Variants in PCLAF observed in about 807,000 individuals in gnomAD.
The protein encoded by PCLAF is PCNA clamp associated factor.
PCLAF carries 12 observed loss-of-function variants against 15.1 expected under a neutral mutation model. The observed-to-expected ratio is 0.79, with a 90% confidence interval of 0.51 to 1.29. The LOEUF (loss-of-function observed/expected upper bound fraction) is 1.29, where lower values mean the gene tolerates loss of function less well. Among genes scored for constraint, PCLAF ranks in the 50% most tolerant of loss-of-function variants. The probability of loss-of-function intolerance (pLI) is 0.00; values close to 1 mark genes in which losing one functional copy is unlikely to be tolerated. For missense variants in PCLAF, 116 were observed against 130.9 expected, an observed-to-expected ratio of 0.89 and a Z score of 0.56; for synonymous variants, 33 against 47.1, an observed-to-expected ratio of 0.70 and a Z score of 1.22.
chr15:64,365,072 G>A lies in PCLAF; in HGVS notation c.*958C>T, dbSNP rs1475251958. The A allele has an allele frequency of 1.4e-5, 2 of 141,860 alleles. No homozygotes were observed. Among genetic ancestry groups the A allele is most frequent in the Admixed American group, 7.8e-5 (1 of 12,768 alleles). 8.8% of individuals were successfully genotyped at this position (141,860 alleles called of 1,614,324 possible). On this transcript the variant is annotated 3_prime_UTR_variant, in exon 4 of 4. Coordinates refer to ENST00000300035, the MANE Select transcript of PCLAF (RefSeq NM_014736.6). ...CTGCCGACTGCAGTGGCGCAATCTC[G>A]GCTCACTGCAAGCTCCACTTCCCGG...
In PCLAF at chr15:64,381,424, G is replaced by A. The variant is rs1301183103; in HGVS notation, c.-53C>T. 4 of 1,613,848 alleles carry A rather than the reference G, an allele frequency of 2.5e-6. No individual in the cohort carries two copies. ...GAACGAACTGACTTCCCAGCCGAGG[G>A]TGTTTCACTGGACAAGGACCCGAAA... On this transcript the variant is annotated 5_prime_UTR_variant, in exon 1 of 4. Transcript: ENST00000300035.
intron 3 of PCLAF, among the ~76,000 whole-genome samples, chr15:64,370,243 A>ATT (rs879858578): frequency 2.7e-4 from 39 of 141,998 alleles, no homozygotes; most frequent in African/African-American, 8.8e-4. Context: ...TGCCCACCTA[A>ATT]TTTTTTTTTT....
At chr15:64,380,784 G>A (rs980782782) in intron 2 of PCLAF, among the ~76,000 whole-genome samples, 174 bp downstream of exon 2, 3 of 152,042 alleles carry the variant, frequency 2.0e-5, no homozygotes, top group Non-Finnish European at 4.4e-5. Flanking sequence ...TCCCTTCCAT[G>A]AGACCTCCCC....
intron 3 of PCLAF, among the ~76,000 whole-genome samples, chr15:64,375,249 C>T (rs572527100): frequency 3.3e-5 from 5 of 152,084 alleles, no homozygotes; most frequent in African/African-American, 7.2e-5. Flanking sequence ...TTCAGCCTCC[C>T]GAGTAGCTGA....
chr15:64,372,896 G>T (rs1899402234), intron 3 of PCLAF, among the ~76,000 whole-genome samples: 3 of 152,116 alleles, frequency 2.0e-5, no homozygotes, highest in Admixed American at 1.3e-4. Context: ...GAACCCAGGA[G>T]GCGAAGGTTG....
intron 3 of PCLAF, chr15:64,373,404 G>A (rs1003599444): frequency 9.6e-6 from 3 of 311,686 alleles, no homozygotes; most frequent in Non-Finnish European, 1.7e-5. Context: ...TGAAGACCTG[G>A]TTTTTTTCCT....
upstream of PCLAF, among the ~76,000 whole-genome samples, chr15:64,385,208 G>A (rs368709132): frequency 7.9e-5 from 12 of 152,202 alleles, no homozygotes; most frequent in African/African-American, 2.9e-4. Flanking sequence ...TATTCTGGAG[G>A]ACGTACTTAT....
Position 64,376,888 on chromosome 15 carries a change from C to T in PCLAF, c.145G>A (p.Gly49Arg). The T allele has an allele frequency of 1.9e-6, 3 of 1,613,502 alleles. No individual in the cohort carries two copies. Among genetic ancestry groups the T allele is most frequent in the Non-Finnish European group, 2.5e-6 (3 of 1,179,786 alleles). ...SSRKAENKYAGGNPVCVRPTP... is the reference protein window; with the variant it reads ...SSRKAENKYARGNPVCVRPTP... ...GGGCGCACGCAAACGGGGTTCCCTC[C>T]TGCATATTTATTTTCAGCTGTAAAA... The change falls in exon 3 of 4, where the codon GGA (glycine) becomes AGA (arginine). Residue 49 changes from glycine (G) to arginine (R), a missense_variant. Gly to Arg is a moderately radical substitution (Grantham distance 125). Coordinates refer to ENST00000300035, the MANE Select transcript of PCLAF (RefSeq NM_014736.6).
At chr15:64,377,754 T>G (rs866325732) in intron 2 of PCLAF, among the ~76,000 whole-genome samples, 30 of 98,336 alleles carry the variant, frequency 3.1e-4, no homozygotes, top group African/African-American at 1.1e-3. Context: ...GGTGTTTTTT[T>G]TTTTTTTTTT....
At chr15:64,378,473 C>T (rs935508060) in intron 2 of PCLAF, among the ~76,000 whole-genome samples, 6 of 152,106 alleles carry the variant, frequency 3.9e-5, no homozygotes, top group African/African-American at 1.4e-4. Flanking sequence ...GGTTTTGCCA[C>T]GTTGTCCAGG....
chr15:64,385,777 G>A (rs551725030), upstream of PCLAF, among the ~76,000 whole-genome samples: 13 of 152,188 alleles, frequency 8.5e-5, no homozygotes, highest in South Asian at 1.9e-3. Context: ...CAATGTGAGC[G>A]GGCACCATCC....
chr15:64,377,944 G>C lies in PCLAF; in HGVS notation c.128-1039C>G, dbSNP rs369052759. 5.5e-5 allele frequency among the ~76,000 whole-genome samples: 8 copies of C among 145,810 alleles called. No individual in the cohort carries two copies. In the East Asian group the frequency reaches 6.1e-4, roughly 11 times the overall value. ...TTTTTGTTTTGTTTTTGTTTTTTTG[G>C]GGGGGAGACAGAGTCTCACTCTGTC... On this transcript the variant is annotated intron_variant, in intron 2 of 3. Transcript: ENST00000300035.
chr15:64,387,224 C>CA (rs71445700), intron 1 of PCLAF, among the ~76,000 whole-genome samples: 581 of 151,500 alleles, frequency 3.8e-3, no homozygotes, highest in Admixed American at 6.6e-3. Context: ...ACTAAAAATA[C>CA]AAAAAAAATT....
At chr15:64,371,653 G>A (rs1899320188) in intron 3 of PCLAF, among the ~76,000 whole-genome samples, 1 of 152,018 alleles carries the variant, frequency 6.6e-6, no homozygotes, top group Non-Finnish European at 1.5e-5. Context: ...ACCCAGGCAG[G>A]AGTGCAGTGG....
chr15:64,372,579 A>G lies in PCLAF; in HGVS notation c.290+4164T>C, dbSNP rs1899380465. Among the ~76,000 whole-genome samples, 2 of 152,158 alleles carry G rather than the reference A, an allele frequency of 1.3e-5. 1 individual carries two copies. Among genetic ancestry groups the G allele is most frequent in the South Asian group, 4.1e-4 (2 of 4,828 alleles). ...CAGTGAGCCGAGATAGCGCCACTGC[A>G]CCCCAGCCTGGGCGACAGAGCGAGA... On this transcript the variant is annotated intron_variant, in intron 3 of 3. Transcript: ENST00000300035.
intron 2 of PCLAF, 50 bp from the exon 3 acceptor site, chr15:64,376,955 C>G (rs369975298): frequency 2.6e-5 from 38 of 1,454,012 alleles, no homozygotes; most frequent in Non-Finnish European, 3.5e-5. Flanking sequence ...AATACAATCT[C>G]TATTCCTTAA....
At chr15:64,380,476 G>A (rs554031262) in intron 2 of PCLAF, among the ~76,000 whole-genome samples, 2 of 151,994 alleles carry the variant, frequency 1.3e-5, no homozygotes, top group Non-Finnish European at 2.9e-5. Context: ...ATCCCAGTAG[G>A]AGGATTGTTT....
rs570380686 is a variant in PCLAF, at chr15:64,376,233, A to G, written c.290+510T>C. On this transcript the variant is annotated intron_variant, in intron 3 of 3. Transcript: ENST00000300035. ...GAGCAAGACTCCGTCTCAGGAAAAA[A>G]AAAAGAAAAGAAATTTGGGAGTGAG... Among the ~76,000 whole-genome samples the G allele has an allele frequency of 8.1e-4, 123 of 152,278 alleles. 1 individual carries two copies. Among genetic ancestry groups the G allele is most frequent in the East Asian group, 3.9e-3 (20 of 5,188 alleles).
chr15:64,386,758 AT>A (rs1042312992), intron 1 of PCLAF, among the ~76,000 whole-genome samples: 1 of 152,110 alleles, frequency 6.6e-6, no homozygotes, highest in Non-Finnish European at 1.5e-5. Flanking sequence ...CATGATTTTA[AT>A]TATAATATTT....
Sources: allele counts gnomAD v4.1 joint callset (sites outside exome capture counted in the v4.1 genomes callset), GRCh38; gene constraint gnomAD v4.1.1; transcripts MANE v1.5; gene names NCBI Gene and HGNC (gene_info 2026-07-23, HGNC 2026-07-21).